Variants in RIMS2 observed in about 807,000 individuals in gnomAD.
RIMS2 encodes the protein regulating synaptic membrane exocytosis protein 2.
RIMS2 carries 59 observed loss-of-function variants against 174.4 expected under a neutral mutation model. The observed-to-expected ratio is 0.34, with a 90% CI of 0.27 to 0.42. The LOEUF is 0.42. RIMS2 is among the 10% of genes least tolerant of loss of function. The pLI, the probability that RIMS2 is intolerant of heterozygous loss-of-function variation, is 1.00. For synonymous variants in RIMS2, 606 were observed against 572.5 expected, an observed-to-expected ratio of 1.06 and a Z score of -0.84; for missense variants, 1,620 against 1,666.3, an observed-to-expected ratio of 0.97 and a Z score of 0.48.
At chr8:104,159,266 G>A (rs1267052022) in intron 19 of RIMS2, among the ~76,000 whole-genome samples, 1 of 152,058 alleles carries the variant, frequency 6.6e-6, no homozygotes, top group African/African-American at 2.4e-5. Flanking sequence ...TATTTGTTTT[G>A]GTACCAGTAC....
intron 20 of RIMS2, among the ~76,000 whole-genome samples, chr8:104,247,025 G>A (rs1194097737): frequency 6.8e-6 from 1 of 147,900 alleles, no homozygotes; most frequent in Non-Finnish European, 1.5e-5. Context: ...GACAGCAAGG[G>A]CAGCAACAGG....
chr8:103,812,343 T>TTTTTTTTTTTTTTTTTG (rs2098693600), intron 3 of RIMS2, among the ~76,000 whole-genome samples: 4 of 140,164 alleles, frequency 2.9e-5, no homozygotes, highest in Non-Finnish European at 6.1e-5. Flanking sequence ...TTTTTTTTTT[T>TTTTTTTTTTTTTTTTTG]TTTTTTTTTT....
intron 19 of RIMS2, among the ~76,000 whole-genome samples, chr8:104,212,378 C>T (rs542790278): frequency 5.3e-4 from 81 of 151,908 alleles, no homozygotes; most frequent in African/African-American, 1.8e-3. Context: ...AAGAGGATGC[C>T]ACAAAGATAG....
At chr8:104,197,252 T>A (rs1431463874) in intron 19 of RIMS2, among the ~76,000 whole-genome samples, 1 of 151,452 alleles carries the variant, frequency 6.6e-6, no homozygotes, top group Non-Finnish European at 1.5e-5. Flanking sequence ...CTTGGCTCAC[T>A]GCAACCTCCA....
intron 3 of RIMS2, among the ~76,000 whole-genome samples, chr8:103,809,554 A>T (rs2098673485): frequency 6.6e-6 from 1 of 151,718 alleles, no homozygotes; most frequent in African/African-American, 2.4e-5. Context: ...TACCTATGAT[A>T]CTTTAGTCAG....
At chr8:103,804,659 A>G (rs184551334) in intron 3 of RIMS2, among the ~76,000 whole-genome samples, 2 of 152,348 alleles carry the variant, frequency 1.3e-5, no homozygotes, top group Admixed American at 6.5e-5. Flanking sequence ...GTGAATTGAG[A>G]CAGAGTTTTT....
At chr8:104,148,684 G>A (rs774789711) in intron 19 of RIMS2, 1 of 1,598,254 alleles carries the variant, frequency 6.3e-7, no homozygotes, top group East Asian at 2.2e-5. Context: ...AGCATCAGTG[G>A]AGACATGTGC....
At chr8:104,228,928 G>T (rs368799037) in intron 19 of RIMS2, among the ~76,000 whole-genome samples, 1 of 152,152 alleles carries the variant, frequency 6.6e-6, no homozygotes, top group Admixed American at 6.5e-5. Context: ...AAAGTAAATT[G>T]AGTAACAGTT....
intron 19 of RIMS2, among the ~76,000 whole-genome samples, chr8:104,142,972 A>G (rs2098598260): frequency 1.3e-5 from 2 of 152,066 alleles, no homozygotes. Flanking sequence ...AGTATGAAAA[A>G]CTCAGTTTTT....
chr8:103,870,347 T>C (rs1030026401), intron 3 of RIMS2, among the ~76,000 whole-genome samples: 5 of 150,904 alleles, frequency 3.3e-5, no homozygotes, highest in Non-Finnish European at 7.4e-5. Context: ...AAACCACTCT[T>C]ATCACCACCA....
chr8:103,668,419 G>C (rs979731748), intron 1 of RIMS2, among the ~76,000 whole-genome samples: 1 of 152,194 alleles, frequency 6.6e-6, no homozygotes, highest in Non-Finnish European at 1.5e-5. Flanking sequence ...GAAAGCTTCT[G>C]TATAACCAGA....
chr8:103,992,248 A>T (rs1596547096), intron 17 of RIMS2, among the ~76,000 whole-genome samples: 1 of 147,118 alleles, frequency 6.8e-6, no homozygotes, highest in Non-Finnish European at 1.5e-5. Context: ...AGCTGGGATT[A>T]CAGGCATGTG....
chr8:103,857,337 A>T (rs1257554821), intron 3 of RIMS2, among the ~76,000 whole-genome samples: 1 of 152,202 alleles, frequency 6.6e-6, no homozygotes, highest in Non-Finnish European at 1.5e-5. Flanking sequence ...AAATTCTTCA[A>T]ATCAGTTGCA....
At chr8:104,082,802 T>C (rs549402910) in intron 19 of RIMS2, among the ~76,000 whole-genome samples, 2 of 152,054 alleles carry the variant, frequency 1.3e-5, no homozygotes, top group Non-Finnish European at 2.9e-5. Flanking sequence ...ATTACTTATG[T>C]TCTATATTAT....
In RIMS2 at chr8:103,936,218, T is replaced by C. The variant is rs190590511; in HGVS notation, c.2376-333T>C. Among the ~76,000 whole-genome samples the C allele has an allele frequency of 1.9e-3, 286 of 152,282 alleles. 1 individual carries two copies. Among genetic ancestry groups the C allele is most frequent in the African/African-American group, 6.4e-3 (267 of 41,570 alleles). The stretch of plus-strand genomic sequence containing the variant: ...TGGTTAATTATCATTTAGAAGATTT[T>C]CAATAGGGTGATATTTTAAAAAAAT... On this transcript the variant is annotated intron_variant, in intron 12 of 23. Coordinates refer to ENST00000504942, the Ensembl canonical transcript of RIMS2.
At chr8:103,644,956 A>T (rs1190396498) in intron 1 of RIMS2, among the ~76,000 whole-genome samples, 1 of 152,006 alleles carries the variant, frequency 6.6e-6, no homozygotes, top group Non-Finnish European at 1.5e-5. Context: ...TAACAAGTAA[A>T]TGAGCCCATT....
chr8:104,158,306 C>G (rs565689852), intron 19 of RIMS2, among the ~76,000 whole-genome samples: 2 of 152,040 alleles, frequency 1.3e-5, no homozygotes, highest in Non-Finnish European at 2.9e-5. Context: ...ATTGATGGAC[C>G]TTTGGGTTGG....
intron 1 of RIMS2, among the ~76,000 whole-genome samples, chr8:103,620,975 G>C (rs1179474426): frequency 6.6e-6 from 1 of 152,040 alleles, no homozygotes; most frequent in African/African-American, 2.4e-5. Flanking sequence ...TGAACTATGT[G>C]ACTATATTAT....
At chr8:103,834,516 T>C (rs1344467643) in intron 3 of RIMS2, among the ~76,000 whole-genome samples, 1 of 151,636 alleles carries the variant, frequency 6.6e-6, no homozygotes, top group Non-Finnish European at 1.5e-5. Context: ...CTCCTTGAAG[T>C]CTTCTTATGT....
Sources: allele counts gnomAD v4.1 joint callset (sites outside exome capture counted in the v4.1 genomes callset), GRCh38; gene constraint gnomAD v4.1.1; transcripts MANE v1.5; gene names NCBI Gene and HGNC (gene_info 2026-07-23, HGNC 2026-07-21).